ESRRG: variants seen among roughly 807,000 people sequenced by gnomAD.
ESRRG encodes the protein estrogen-related receptor gamma.
A neutral mutation model predicts 44.0 loss-of-function variants in ESRRG; 13 were observed. The ratio of observed to expected loss-of-function variants is 0.30; its 90% CI spans 0.19 to 0.47. ESRRG has a LOEUF of 0.47. ESRRG is among the 20% of genes least tolerant of loss of function. ESRRG has a pLI of 1.00. For synonymous variants in ESRRG, 215 were observed against 214.6 expected, an observed-to-expected ratio of 1.00 and a Z score of -0.02; for missense variants, 395 against 580.6, an observed-to-expected ratio of 0.68 and a Z score of 3.29.
At chr1:216,931,272 A>G (rs774315880) in intron 2 of ESRRG, among the ~76,000 whole-genome samples, 3 of 152,070 alleles carry the variant, frequency 2.0e-5, no homozygotes, top group Non-Finnish European at 2.9e-5. Context: ...TTGACTTATT[A>G]TTTCATTTTT....
chr1:217,033,348 T>C (rs2082352615), intron 1 of ESRRG, among the ~76,000 whole-genome samples: 1 of 152,208 alleles, frequency 6.6e-6, no homozygotes, highest in South Asian at 2.1e-4. Context: ...TCTCCACCCC[T>C]GTGAGTTCAT....
intron 3 of ESRRG, among the ~76,000 whole-genome samples, chr1:216,617,232 T>C (rs965506261): frequency 6.6e-6 from 1 of 152,128 alleles, no homozygotes; most frequent in Non-Finnish European, 1.5e-5. Flanking sequence ...GTGGCTGATG[T>C]TAACCAAACC....
chr1:216,907,942 C>T (rs946422664), intron 2 of ESRRG, among the ~76,000 whole-genome samples: 3 of 149,240 alleles, frequency 2.0e-5, no homozygotes, highest in Non-Finnish European at 1.5e-5. Context: ...GCCAAAACCT[C>T]TTTTTTATGT....
intron 1 of ESRRG, among the ~76,000 whole-genome samples, chr1:216,701,015 C>A (rs1295603802): frequency 1.3e-5 from 2 of 152,142 alleles, no homozygotes; most frequent in African/African-American, 4.8e-5. Flanking sequence ...CTCATTTCGA[C>A]TTCAGAATTT....
intron 1 of ESRRG, among the ~76,000 whole-genome samples, chr1:216,950,837 A>G (rs1361161194): frequency 6.6e-6 from 1 of 152,208 alleles, no homozygotes; most frequent in African/African-American, 2.4e-5. Context: ...AAAAAAATAT[A>G]TGGAGTATCC....
At chr1:216,620,746 A>C (rs932910269) in intron 3 of ESRRG, among the ~76,000 whole-genome samples, 2 of 152,226 alleles carry the variant, frequency 1.3e-5, no homozygotes, top group Non-Finnish European at 1.5e-5. Context: ...ATTTAGAAGA[A>C]GGTGCATTGC....
At chr1:217,041,358 T>C (rs1391986876) in intron 1 of ESRRG, among the ~76,000 whole-genome samples, 5 of 152,178 alleles carry the variant, frequency 3.3e-5, no homozygotes, top group African/African-American at 9.7e-5. Context: ...CCTTTAAACA[T>C]TCATAGCAAG....
chr1:216,533,689 C>T (rs542504143), intron 5 of ESRRG, among the ~76,000 whole-genome samples: 1 of 152,198 alleles, frequency 6.6e-6, no homozygotes, highest in South Asian at 2.1e-4. Context: ...AACGCATGTT[C>T]CCTAACTAGC....
intron 1 of ESRRG, among the ~76,000 whole-genome samples, chr1:216,999,624 G>A (rs761902550): frequency 6.6e-6 from 1 of 152,110 alleles, no homozygotes; most frequent in Non-Finnish European, 1.5e-5. Flanking sequence ...AAAAGATCCA[G>A]TATTTTACCA....
At chr1:216,774,084 C>G (rs903974482) in intron 2 of ESRRG, among the ~76,000 whole-genome samples, 15 of 152,082 alleles carry the variant, frequency 9.9e-5, no homozygotes, top group African/African-American at 3.4e-4. Flanking sequence ...ATAGAGGCCA[C>G]ATAGCTTAGG....
At chr1:216,770,545 A>G (rs2093338604) in intron 2 of ESRRG, among the ~76,000 whole-genome samples, 1 of 152,102 alleles carries the variant, frequency 6.6e-6, no homozygotes, top group Admixed American at 6.6e-5. Context: ...TTCATTGACC[A>G]TATTTCTGCA....
chr1:217,048,994 A>C (rs544843485), intron 1 of ESRRG, among the ~76,000 whole-genome samples: 1 of 152,084 alleles, frequency 6.6e-6, no homozygotes. Flanking sequence ...GCCCTTCATA[A>C]TCAGGCACTC....
intron 5 of ESRRG, among the ~76,000 whole-genome samples, chr1:216,544,114 T>A (rs1457721902): frequency 6.6e-6 from 1 of 152,046 alleles, no homozygotes; most frequent in Non-Finnish European, 1.5e-5. Flanking sequence ...GTTGTAGGTA[T>A]CAAATGCAAG....
At chr1:216,670,246 C>T (rs10779275) in intron 2 of ESRRG, among the ~76,000 whole-genome samples, 75,464 of 152,102 alleles carry the variant, frequency 0.5, 19,142 homozygotes, top group South Asian at 0.62. Flanking sequence ...AGAAATGCAA[C>T]ACCAGGAAAG....
At chr1:217,028,977 C>G (rs2081611401) in intron 1 of ESRRG, among the ~76,000 whole-genome samples, 1 of 152,130 alleles carries the variant, frequency 6.6e-6, no homozygotes, top group Non-Finnish European at 1.5e-5. Context: ...CTGGACCCCT[C>G]TTTATCTTTA....
At chr1:216,611,350 T>A (rs1365073234) in intron 3 of ESRRG, among the ~76,000 whole-genome samples, 1 of 152,042 alleles carries the variant, frequency 6.6e-6, no homozygotes, top group Non-Finnish European at 1.5e-5. Flanking sequence ...CAGATTCTCC[T>A]AGAGTAGCCT....
At position 216,917,153 on chromosome 1, in the gene ESRRG, A is replaced by T. The variant is rs549105703; in HGVS notation, c.-14+22429T>A. On this transcript the variant is annotated intron_variant, in intron 2 of 7. Transcript: ENST00000359162. ...ACAGTCTCTCCAGCAGCATAAATAG[A>T]CTTTCTTTTTTTTTTTTTTTTTACC... Among the ~76,000 whole-genome samples, 400 of 143,808 alleles carry T rather than the reference A, an allele frequency of 2.8e-3. 4 individuals are homozygous for T. Among genetic ancestry groups the T allele is most frequent in the African/African-American group, 9.6e-3 (375 of 38,998 alleles). 94.3% of individuals were successfully genotyped at this position (143,808 alleles called of 152,430 possible). A position where few individuals can be genotyped will look rare whatever the true frequency, so the allele number is the denominator to read the frequency against.
At chr1:217,134,234 T>G (rs919410574) in intron 1 of ESRRG, among the ~76,000 whole-genome samples, 9 of 151,938 alleles carry the variant, frequency 5.9e-5, no homozygotes, top group African/African-American at 2.2e-4. Context: ...CCCTGGGGAG[T>G]AGGTCTCCTC....
intron 1 of ESRRG, among the ~76,000 whole-genome samples, chr1:217,013,158 A>C (rs1215794154): frequency 4.6e-5 from 7 of 152,254 alleles, no homozygotes; most frequent in Admixed American, 4.6e-4. Flanking sequence ...ACGGGATCAC[A>C]TTCCTCTGTA....
Sources: allele counts gnomAD v4.1 joint callset (sites outside exome capture counted in the v4.1 genomes callset), GRCh38; gene constraint gnomAD v4.1.1; transcripts MANE v1.5; gene names NCBI Gene and HGNC (gene_info 2026-07-23, HGNC 2026-07-21).